Variants in NUB1 observed in about 807,000 individuals in gnomAD.
The protein encoded by NUB1 is negative regulator of ubiquitin like proteins 1, also known as NEDD8 ultimate buster 1.
A neutral mutation model predicts 77.1 loss-of-function variants in NUB1; 41 were observed. That is an observed-to-expected ratio of 0.53 (90% CI 0.41 to 0.69). The LOEUF (loss-of-function observed/expected upper bound fraction) is 0.69, where lower values mean the gene tolerates loss of function less well. Ranked by LOEUF, NUB1 falls within the 30% of genes least tolerant of loss-of-function variation. NUB1 has a pLI of 0.00. For synonymous variants in NUB1, 257 were observed against 281.0 expected, an observed-to-expected ratio of 0.91 and a Z score of 0.85; for missense variants, 643 against 743.8, an observed-to-expected ratio of 0.86 and a Z score of 1.58.
At position 151,349,015 on chromosome 7, in the gene NUB1, C is replaced by A; in HGVS notation, c.118-58C>A. 3 of 1,518,114 alleles carry A rather than the reference C, an allele frequency of 2.0e-6. No homozygotes were observed. In the South Asian group the frequency reaches 3.6e-5, roughly 18 times the overall value. 94.0% of individuals were successfully genotyped at this position (1,518,114 alleles called of 1,614,324 possible). ...GCCTTAGAGTCTTTCATGCCCTTTT[C>A]TATATTTTGCCTTTTTTTTTTTAAG... is the stretch of plus-strand genomic sequence containing the variant. On this transcript the variant is annotated intron_variant, in intron 2 of 14. Transcript: ENST00000568733.
rs1319380928 is a variant in NUB1 at position 151,377,254 on chromosome 7, T to G, written c.*29T>G. The G allele has an allele frequency of 7.2e-7, 1 of 1,390,712 alleles. No individual in the cohort carries two copies. The highest frequency in any genetic ancestry group is 9.7e-7 in the Non-Finnish European group (1 of 1,030,506). 86.1% of individuals were successfully genotyped at this position (1,390,712 alleles called of 1,614,324 possible). A position where few individuals can be genotyped will look rare whatever the true frequency, so the allele number is the denominator to read the frequency against. On this transcript the variant is annotated 3_prime_UTR_variant, in exon 15 of 15. Coordinates refer to ENST00000568733, the MANE Select transcript of NUB1 (RefSeq NM_001243351.2). Reference sequence around the variant, plus strand: ...ATGAACAGAAATAGCGCTAATTTTCTGCTTATAAATGCTATCATTATGAAA... The same window carrying G: ...ATGAACAGAAATAGCGCTAATTTTCGGCTTATAAATGCTATCATTATGAAA...
chr7:151,364,926 A>G lies in NUB1; in HGVS notation c.801-2013A>G, dbSNP rs1020506372. Among the ~76,000 whole-genome samples the G allele has an allele frequency of 2.0e-5, 3 of 152,094 alleles. No individual in the cohort carries two copies. In the East Asian group the frequency reaches 5.8e-4, roughly 29 times the overall value. On this transcript the variant is annotated intron_variant, in intron 8 of 14. Transcript: ENST00000568733. Reference sequence around the variant, plus strand: ...TGTAACAGTGTTGAATATTAATGCTACTAAAATTGTAAACCAAAGCAATGT... The same window carrying G: ...TGTAACAGTGTTGAATATTAATGCTGCTAAAATTGTAAACCAAAGCAATGT...
rs1478521431 is a variant in NUB1, at chr7:151,374,220, G to A, written c.1372G>A (p.Gly458Arg). 6 of 1,559,138 alleles carry A rather than the reference G, an allele frequency of 3.8e-6. No individual in the cohort carries two copies. The highest frequency in any genetic ancestry group is 1.9e-5 in the Admixed American group (1 of 51,698). ...CCAGCAGGTACTCCACGCAGCCAGC[G>A]GGAACTTGGATGAGGCCCTGAAGGT... is the stretch of plus-strand genomic sequence containing the variant. Reference protein sequence around the residue: ...AAQQVLHAASGNLDEALKILL... With the variant: ...AAQQVLHAASRNLDEALKILL... The change falls in exon 12 of 15, where the codon GGG (glycine) becomes AGG (arginine). Residue 458 changes from glycine (G) to arginine (R), a missense_variant. Coordinates refer to ENST00000568733, the MANE Select transcript of NUB1 (RefSeq NM_001243351.2).
At chr7:151,356,280 GT>G in intron 7 of NUB1, 58 bp downstream of exon 7, 2 of 1,235,672 alleles carry the variant, frequency 1.6e-6, no homozygotes, top group Non-Finnish European at 2.4e-6. Context: ...GGCAGAGGTG[GT>G]TTTTTAGTTG....
At chr7:151,368,133 AGCC>A (rs1236882314) in intron 10 of NUB1, among the ~76,000 whole-genome samples, 165 bp downstream of exon 10, 2 of 152,242 alleles carry the variant, frequency 1.3e-5, no homozygotes, top group Non-Finnish European at 2.9e-5. Context: ...GTTAGAGTAC[AGCC>A]AGATGCTGTA....
intron 8 of NUB1, among the ~76,000 whole-genome samples, chr7:151,363,319 G>C (rs573783925): frequency 6.6e-6 from 1 of 152,276 alleles, no homozygotes; most frequent in Non-Finnish European, 1.5e-5. Flanking sequence ...TAGAATGTAA[G>C]AGATGAAAAG....
intron 12 of NUB1, chr7:151,374,554 C>A: frequency 2.3e-6 from 1 of 434,958 alleles, no homozygotes; most frequent in Non-Finnish European, 4.2e-6. Flanking sequence ...CAGGCAGTTT[C>A]CACGGCAGAA....
At chr7:151,365,897 T>TC (rs1797655549) in intron 8 of NUB1, among the ~76,000 whole-genome samples, 1 of 151,886 alleles carries the variant, frequency 6.6e-6, no homozygotes, top group South Asian at 2.1e-4. Flanking sequence ...GTCCTTTTTT[T>TC]TTTATTCCAT....
chr7:151,348,076 A>G (rs1230111603), intron 2 of NUB1, among the ~76,000 whole-genome samples: 4 of 152,212 alleles, frequency 2.6e-5, no homozygotes, highest in African/African-American at 9.7e-5. Context: ...TCAAAATTCA[A>G]AATACTTCAG....
At chr7:151,362,629 G>A (rs1392622239) in intron 8 of NUB1, among the ~76,000 whole-genome samples, 1 of 152,216 alleles carries the variant, frequency 6.6e-6, no homozygotes, top group Non-Finnish European at 1.5e-5. Flanking sequence ...ACGGGGCAGG[G>A]AGGGCAAACC....
rs910716711 is a variant in NUB1 at position 151,355,765 on chromosome 7, T to C, written c.416-3T>C. ...AAATAATAGGCAGTTCTGATTTTTA[T>C]AGGGAAAACCCTTGAAGAACAAGGC... On this transcript the variant is annotated splice_region_variant and splice_polypyrimidine_tract_variant and intron_variant, in intron 5 of 14. Transcript: ENST00000568733. 1.9e-6 allele frequency: 3 copies of C among 1,574,188 alleles called. No homozygotes were observed. The highest frequency in any genetic ancestry group is 4.6e-5 in the East Asian group (2 of 43,712).
chr7:151,347,091 A>C (rs1306302054), intron 2 of NUB1, among the ~76,000 whole-genome samples: 1 of 152,190 alleles, frequency 6.6e-6, no homozygotes, highest in African/African-American at 2.4e-5. Context: ...TTTCTAGAAA[A>C]TTATAGAAAG....
chr7:151,349,349 G>A (rs1796679711), intron 3 of NUB1, 109 bp downstream of exon 3: 2 of 935,500 alleles, frequency 2.1e-6, no homozygotes, highest in East Asian at 4.9e-5. Flanking sequence ...ATTCTTTTAA[G>A]TGACTTTACA....
intron 8 of NUB1, among the ~76,000 whole-genome samples, chr7:151,365,591 A>G (rs1248486674): frequency 6.6e-6 from 1 of 152,204 alleles, no homozygotes; most frequent in Non-Finnish European, 1.5e-5. Flanking sequence ...CTGTGAGATC[A>G]GACCACAATC....
At chr7:151,365,296 T>C (rs1038635126) in intron 8 of NUB1, among the ~76,000 whole-genome samples, 3 of 145,666 alleles carry the variant, frequency 2.1e-5, no homozygotes, top group African/African-American at 7.5e-5. Flanking sequence ...TGTTTGTTCA[T>C]TTTGTTGGTT....
At chr7:151,358,329 C>A (rs550723194) in intron 7 of NUB1, among the ~76,000 whole-genome samples, 2 of 152,168 alleles carry the variant, frequency 1.3e-5, no homozygotes, top group Non-Finnish European at 1.5e-5. Flanking sequence ...CATTGAATGA[C>A]GACATCCAGA....
intron 8 of NUB1, chr7:151,361,378 G>A (rs1487352967): frequency 6.6e-6 from 1 of 152,048 alleles, no homozygotes; most frequent in East Asian, 1.9e-4. Flanking sequence ...GGCAGCCCAT[G>A]TTTTTTTGAC....
intron 10 of NUB1, 149 bp downstream of exon 10, chr7:151,368,117 GTA>G (rs1483153711): frequency 1.7e-6 from 1 of 598,562 alleles, no homozygotes; most frequent in Non-Finnish European, 3.0e-6. Flanking sequence ...AAACATATTT[GTA>G]TATGTTAGAG....
chr7:151,365,078 C>A (rs60175285), intron 8 of NUB1, among the ~76,000 whole-genome samples: 7,406 of 151,690 alleles, frequency 0.049, 355 homozygotes, highest in African/African-American at 0.12. Flanking sequence ...CCTGCCTCGG[C>A]CTCCCAAAGT....
Sources: allele counts gnomAD v4.1 joint callset (sites outside exome capture counted in the v4.1 genomes callset), GRCh38; gene constraint gnomAD v4.1.1; transcripts MANE v1.5; gene names NCBI Gene and HGNC (gene_info 2026-07-23, HGNC 2026-07-21).